The following NECAB3 variants were observed in gnomAD, a reference collection of about 807,000 sequenced individuals.
NECAB3 encodes N-terminal EF-hand calcium-binding protein 3.
NECAB3 carries 38 observed loss-of-function variants against 57.2 expected under a neutral mutation model. The observed-to-expected ratio is 0.66, with a 90% CI of 0.51 to 0.87. The LOEUF (loss-of-function observed/expected upper bound fraction) is 0.87, where lower values mean the gene tolerates loss of function less well. Among genes scored for constraint, NECAB3 ranks in the 40% least tolerant of loss-of-function variants. The probability of loss-of-function intolerance (pLI) is 0.00; values close to 1 mark genes in which losing one functional copy is unlikely to be tolerated. For missense variants in NECAB3, 474 were observed against 527.5 expected, an observed-to-expected ratio of 0.90 and a Z score of 0.99; for synonymous variants, 223 against 222.6, an observed-to-expected ratio of 1.00 and a Z score of -0.02.
chr20:33,667,701 G>C (rs766053676), intron 5 of NECAB3: 4 of 1,612,070 alleles, frequency 2.5e-6, no homozygotes, highest in Non-Finnish European at 3.4e-6. Flanking sequence ...CTGACCTCTT[G>C]CAGCAGGCCC....
At chr20:33,661,171 G>T (rs1043263481) in intron 5 of NECAB3, among the ~76,000 whole-genome samples, 3 of 152,160 alleles carry the variant, frequency 2.0e-5, no homozygotes, top group African/African-American at 7.2e-5. Flanking sequence ...TCAGCCCAGG[G>T]TCTGGCACGT....
intron 8 of NECAB3, 144 bp downstream of exon 8, chr20:33,659,353 A>G: frequency 1.5e-6 from 1 of 674,640 alleles, no homozygotes; most frequent in Non-Finnish European, 2.3e-6. Flanking sequence ...GCAGGTTCTC[A>G]GAACCCGGCA....
rs762226573 is a variant in NECAB3 at position 33,659,726 on chromosome 20, C to T, written c.650G>A (p.Ser217Asn). Residue 217 changes from serine (S) to asparagine (N), a missense_variant, in exon 8 of 12, where the codon AGC (serine) becomes AAC (asparagine). Transcript: ENST00000246190. ...CCGCCACTGCATCTCGGCCTCTGAG[C>T]TGCGCCCTGTGTGTGGGGCCCGTGC... ...WSPGSSDTGR[S>N]SEAEMQWRLQ... 1.9e-6 allele frequency: 3 copies of T among 1,597,148 alleles called. No homozygotes were observed. The highest frequency in any genetic ancestry group is 2.6e-6 in the Non-Finnish European group (3 of 1,174,966).
chr20:33,664,954 A>G (rs972522581), intron 5 of NECAB3: 1 of 151,562 alleles, frequency 6.6e-6, no homozygotes, highest in East Asian at 1.9e-4. Flanking sequence ...GGAGGCTGCA[A>G]GAGCTATAAC....
chr20:33,674,344 G>C lies in NECAB3; in HGVS notation c.9C>G (p.Cys3Trp), dbSNP rs1465502785. 2.5e-6 allele frequency: 3 copies of C among 1,196,030 alleles called. No individual in the cohort carries two copies. The highest frequency in any genetic ancestry group is 3.1e-6 in the Non-Finnish European group (3 of 964,906). 74.1% of individuals were successfully genotyped at this position (1,196,030 alleles called of 1,614,324 possible). A position where few individuals can be genotyped will look rare whatever the true frequency, so the allele number is the denominator to read the frequency against. Reference sequence around the variant, plus strand: ...GCAGGCACACGGTGAGCAGCCCCGCGCACGCCATGGCGCCGCCACCCGCTC... The same window carrying C: ...GCAGGCACACGGTGAGCAGCCCCGCCCACGCCATGGCGCCGCCACCCGCTC... The part of the protein sequence containing the change: MA[C>W]AGLLTVCLLR... Residue 3 changes from cysteine to tryptophan, a missense_variant, in exon 1 of 12, where the codon TGC becomes TGG. Physicochemically the swap from Cys to Trp is radical, Grantham distance 215 (BLOSUM62 -2). Coordinates refer to ENST00000246190, the MANE Select transcript of NECAB3 (RefSeq NM_031232.4).
At chr20:33,670,653 G>GC in intron 3 of NECAB3, 31 bp downstream of exon 3, 1 of 1,514,390 alleles carries the variant, frequency 6.6e-7, no homozygotes, top group Non-Finnish European at 9.1e-7. Flanking sequence ...ACCTGGCCTC[G>GC]CATCTACCCA....
Position 33,660,882 on chromosome 20 carries a change from G to A in NECAB3, c.388-487C>T, listed in dbSNP as rs948965091. The stretch of plus-strand genomic sequence containing the variant: ...CACTGGGTGCTTTTTACTAGGAGCT[G>A]CTGATAAAAGACAATCAGGTTGCCA... On this transcript the variant is annotated intron_variant, in intron 5 of 11. Coordinates refer to ENST00000246190, the MANE Select transcript of NECAB3 (RefSeq NM_031232.4). The surrounding 1 kb of genome is among the most constrained non-coding windows in gnomAD (Gnocchi z 4.1). 7.9e-5 allele frequency among the ~76,000 whole-genome samples: 12 copies of A among 152,184 alleles called. No individual in the cohort carries two copies. Among genetic ancestry groups the A allele is most frequent in the African/African-American group, 2.4e-4 (10 of 41,458 alleles).
intron 10 of NECAB3, among the ~76,000 whole-genome samples, 159 bp from the exon 11 acceptor site, chr20:33,658,192 C>T (rs987048764): frequency 1.3e-5 from 2 of 152,172 alleles, no homozygotes; most frequent in East Asian, 1.9e-4. Flanking sequence ...GCACTGCACA[C>T]GGTGCTTGGC....
Position 33,660,534 on chromosome 20 carries a change from T to C in NECAB3, c.388-139A>G. 1 of 1,142,194 alleles carries C rather than the reference T, an allele frequency of 8.8e-7. No homozygotes were observed. Among genetic ancestry groups the C allele is most frequent in the Admixed American group, 2.4e-5 (1 of 42,472 alleles). The allele number at this position is 1,142,194 out of a possible 1,614,324, so 70.8% of individuals were successfully genotyped here. Reference sequence around the variant, plus strand: ...CGCAAACCTGGCACAGGCAGGAGGGTACTGAGACCTGATGGGCAGGGAGGG... The same window carrying C: ...CGCAAACCTGGCACAGGCAGGAGGGCACTGAGACCTGATGGGCAGGGAGGG... On this transcript the variant is annotated intron_variant, in intron 5 of 11. Coordinates refer to ENST00000246190, the MANE Select transcript of NECAB3 (RefSeq NM_031232.4). The surrounding 1 kb of genome is among the most constrained non-coding windows in gnomAD (Gnocchi z 4.1).
chr20:33,663,896 G>C, intron 5 of NECAB3: 2 of 1,373,852 alleles, frequency 1.5e-6, no homozygotes, highest in African/African-American at 3.1e-5. Flanking sequence ...GCCCAATAAA[G>C]AGTGCGTGGC....
Position 33,660,036 on chromosome 20 carries a change from T to C in NECAB3, c.525-33A>G. On this transcript the variant is annotated intron_variant, in intron 6 of 11. Transcript: ENST00000246190. The surrounding 1 kb of genome is among the most constrained non-coding windows in gnomAD (Gnocchi z 4.1). Reference sequence around the variant, plus strand: ...AAGTGAGGCTCACAGGGCCGAGGACTGGGGCCCCAGGACGGGATAAGCCTG... The same window carrying C: ...AAGTGAGGCTCACAGGGCCGAGGACCGGGGCCCCAGGACGGGATAAGCCTG... The C allele has an allele frequency of 6.4e-7, 1 of 1,563,200 alleles. No homozygotes were observed. The highest frequency in any genetic ancestry group is 1.1e-5 in the South Asian group (1 of 87,084).
At chr20:33,661,710 G>T (rs956414356) in intron 5 of NECAB3, among the ~76,000 whole-genome samples, 4 of 152,212 alleles carry the variant, frequency 2.6e-5, no homozygotes, top group African/African-American at 9.7e-5. Flanking sequence ...GAGTGAAGCG[G>T]CATGATCTTG....
Position 33,667,890 on chromosome 20 carries a change from CCTGCTGGGCCAGGCTGAGCAGGGG to C in NECAB3, c.387+1461_387+1484del, listed in dbSNP as rs1438692072. 1.1e-5 allele frequency: 18 copies of C among 1,587,862 alleles called. No homozygotes were observed. In the East Asian group the frequency reaches 1.2e-4, roughly 10 times the overall value. Reference sequence around the variant, plus strand: ...GCCCCGAACCCATCTTCCAGCCGGGCCTGCTGGGCCAGGCTGAGCAGGGGCTGCCCGCGCTGGCCTTCCGGGCGC... The same window carrying C: ...GCCCCGAACCCATCTTCCAGCCGGGCCTGCCCGCGCTGGCCTTCCGGGCGC... On this transcript the variant is annotated intron_variant, in intron 5 of 11. Coordinates refer to ENST00000246190, the MANE Select transcript of NECAB3 (RefSeq NM_031232.4).
At chr20:33,666,094 T>A (rs1241719098) in intron 5 of NECAB3, among the ~76,000 whole-genome samples, 2 of 150,762 alleles carry the variant, frequency 1.3e-5, no homozygotes, top group Admixed American at 1.3e-4. Context: ...ATAATAATAA[T>A]AAAAAAAAGA....
Position 33,657,792 on chromosome 20 carries a change from G to A in NECAB3, c.*37C>T, listed in dbSNP as rs1270133343. The A allele has an allele frequency of 2.0e-6, 3 of 1,500,580 alleles. No individual in the cohort carries two copies. The highest frequency in any genetic ancestry group is 2.8e-5 in the African/African-American group (2 of 71,962). The allele number at this position is 1,500,580 out of a possible 1,614,324, so 93.0% of individuals were successfully genotyped here. A position where few individuals can be genotyped will look rare whatever the true frequency, so the allele number is the denominator to read the frequency against. On this transcript the variant is annotated 3_prime_UTR_variant, in exon 12 of 12. Transcript: ENST00000246190. ...TCCAGAAGGCTCCAGAGGGAGGCAG[G>A]CAGGGTCCCGGGGCCCTCGGCGTGT... is the stretch of plus-strand genomic sequence containing the variant.
chr20:33,667,665 G>A, intron 5 of NECAB3: 1 of 1,611,322 alleles, frequency 6.2e-7, no homozygotes, highest in Non-Finnish European at 8.5e-7. Context: ...CGCGCTACCT[G>A]CGGGATCTGC....
chr20:33,673,704 G>A (rs953622412), intron 1 of NECAB3, among the ~76,000 whole-genome samples: 11 of 152,146 alleles, frequency 7.2e-5, no homozygotes, highest in Admixed American at 5.9e-4. Context: ...GCACAGCGGT[G>A]AACGGTGGAG....
chr20:33,667,422 G>A, intron 5 of NECAB3: 1 of 1,409,394 alleles, frequency 7.1e-7, no homozygotes, highest in Non-Finnish European at 9.2e-7. Flanking sequence ...TGAGCGACTC[G>A]CCGTTGGCGC....
At chr20:33,669,620 T>TCCCTTGCCACACGTACCCTGGGG in intron 4 of NECAB3, 67 bp downstream of exon 4, 2 of 1,546,566 alleles carry the variant, frequency 1.3e-6, no homozygotes, top group Non-Finnish European at 1.8e-6. Flanking sequence ...CCAGCAACAG[T>TCCCTTGCCACACGTACCCTGGGG]CCCTTGCCAC....
Sources: allele counts gnomAD v4.1 joint callset (sites outside exome capture counted in the v4.1 genomes callset), GRCh38; gene constraint gnomAD v4.1.1; non-coding constraint Gnocchi (gnomAD v3.1); transcripts MANE v1.5; gene names NCBI Gene and HGNC (gene_info 2026-07-23, HGNC 2026-07-21).